Variants in ZNF827 observed in about 807,000 individuals in gnomAD.
The protein encoded by ZNF827 is zinc finger protein 827.
In ZNF827, 13 loss-of-function variants were observed where a neutral mutation model predicts 102.4. That is an observed-to-expected ratio of 0.13 (90% CI 0.08 to 0.20). The LOEUF (loss-of-function observed/expected upper bound fraction) is 0.20. Among genes scored for constraint, ZNF827 ranks in the 10% least tolerant of loss-of-function variants. The pLI, the probability that ZNF827 is intolerant of heterozygous loss-of-function variation, is 1.00. For missense variants in ZNF827, 1,103 were observed against 1,344.4 expected (o/e 0.82, Z 2.81); for synonymous variants, 523 against 536.2 (o/e 0.98, Z 0.34).
intron 5 of ZNF827, among the ~76,000 whole-genome samples, chr4:145,865,306 T>A (rs1244880437): frequency 1.3e-5 from 2 of 152,230 alleles, no homozygotes; most frequent in African/African-American, 4.8e-5. Flanking sequence ...AGAGAGATGG[T>A]TCTTTTTAAA....
chr4:145,867,438 C>T (rs939274279), intron 5 of ZNF827, among the ~76,000 whole-genome samples: 1 of 152,140 alleles, frequency 6.6e-6, no homozygotes, highest in African/African-American at 2.4e-5. Context: ...AAGTCTCCAT[C>T]CTTAAGGAGT....
At chr4:145,880,466 A>C (rs537722494) in intron 4 of ZNF827, among the ~76,000 whole-genome samples, 27 of 152,232 alleles carry the variant, frequency 1.8e-4, no homozygotes, top group Non-Finnish European at 3.1e-4. Context: ...TGTGTGTGTA[A>C]GCAATCCAGG....
At position 145,920,460 on chromosome 4, in the gene ZNF827, G is replaced by A. The variant is rs1436373934; in HGVS notation, c.44-17245C>T. ...GACGGTGGTATCCCCTGCAGCATAC[G>A]CCACGGCCTCTGCTCTTCTGGGCAA... On this transcript the variant is annotated intron_variant, in intron 1 of 14. Coordinates refer to ENST00000508784, the MANE Select transcript of ZNF827 (RefSeq NM_001306215.2). 2.6e-5 allele frequency among the ~76,000 whole-genome samples: 4 copies of A among 152,130 alleles called. No individual in the cohort carries two copies. In the East Asian group the frequency reaches 7.7e-4, roughly 29 times the overall value.
chr4:145,911,668 A>G (rs1433609353), intron 1 of ZNF827, among the ~76,000 whole-genome samples: 2 of 152,200 alleles, frequency 1.3e-5, no homozygotes, highest in African/African-American at 4.8e-5. Context: ...CTATATGACT[A>G]GTCTCTAGTT....
intron 7 of ZNF827, among the ~76,000 whole-genome samples, chr4:145,843,249 A>G (rs1745600179): frequency 3.3e-5 from 5 of 150,276 alleles, no homozygotes; most frequent in Admixed American, 3.3e-4. Flanking sequence ...CACACCGAGG[A>G]CTTTGTAGAA....
At chr4:145,806,707 T>C (rs1266847841) in intron 8 of ZNF827, among the ~76,000 whole-genome samples, 1 of 151,914 alleles carries the variant, frequency 6.6e-6, no homozygotes, top group Non-Finnish European at 1.5e-5. Context: ...TAAACAGATA[T>C]AACAGAAATT....
At chr4:145,766,233 G>A (rs940726304) in intron 11 of ZNF827, among the ~76,000 whole-genome samples, 7 of 151,948 alleles carry the variant, frequency 4.6e-5, no homozygotes, top group South Asian at 2.1e-4. Context: ...ATCAGTACTC[G>A]GGACCCTCTC....
chr4:145,823,426 A>C lies in ZNF827; in HGVS notation c.2379T>G (p.Ala793=), dbSNP rs1365121582. Residue 793 remains alanine (A), a synonymous_variant, in exon 8 of 15, where the codon GCT becomes GCG. Coordinates refer to ENST00000508784, the MANE Select transcript of ZNF827 (RefSeq NM_001306215.2). ...SDSVLHGRIS[A]PETEKIVLEA... ...AAGCCAACAATGTTTCCATACCTGG[A>C]GCTGATATTCTTCCGTGCAGCACGG... is the stretch of plus-strand genomic sequence containing the variant. The C allele has an allele frequency of 1.9e-6, 3 of 1,607,492 alleles. No individual in the cohort carries two copies. In the South Asian group the frequency reaches 3.3e-5, roughly 18 times the overall value.
rs79414728 is a variant in ZNF827 at position 145,758,820 on chromosome 4, G to A, written c.*2796C>T. ...ACAGGTTTGCCAGGGCACCAAGTAG[G>A]CTCCCCATCCATGGCGGGATGACTG... On this transcript the variant is annotated 3_prime_UTR_variant, in exon 15 of 15. Coordinates refer to ENST00000508784, the MANE Select transcript of ZNF827 (RefSeq NM_001306215.2). 12,100 of 152,224 alleles carry A rather than the reference G, an allele frequency of 0.079. 545 individuals are homozygous for A. The highest frequency in any genetic ancestry group is 0.12 in the Middle Eastern group (35 of 294). 9.4% of individuals were successfully genotyped at this position (152,224 alleles called of 1,614,324 possible).
At chr4:145,911,698 T>C (rs1186373660) in intron 1 of ZNF827, among the ~76,000 whole-genome samples, 4 of 152,192 alleles carry the variant, frequency 2.6e-5, no homozygotes, top group African/African-American at 7.2e-5. Context: ...GAGAGGGCCA[T>C]AGATTTGCCC....
chr4:145,771,428 A>G (rs936643464), intron 11 of ZNF827, among the ~76,000 whole-genome samples: 2 of 152,178 alleles, frequency 1.3e-5, no homozygotes, highest in Non-Finnish European at 2.9e-5. Context: ...TTTGGTGTCA[A>G]TGTGAGGTGA....
At chr4:145,855,054 T>G (rs1286083801) in intron 5 of ZNF827, among the ~76,000 whole-genome samples, 1 of 152,194 alleles carries the variant, frequency 6.6e-6, no homozygotes, top group Non-Finnish European at 1.5e-5. Flanking sequence ...CACGGTGGTG[T>G]GTAATGTTAT....
At chr4:145,870,562 T>G in intron 4 of ZNF827, 84 bp from the exon 5 acceptor site, 1 of 1,221,614 alleles carries the variant, frequency 8.2e-7, no homozygotes, top group Non-Finnish European at 1.2e-6. Context: ...AAGTATGGAA[T>G]GCACAATCAC....
intron 5 of ZNF827, among the ~76,000 whole-genome samples, chr4:145,861,580 T>A (rs1021145590): frequency 6.6e-6 from 1 of 152,202 alleles, no homozygotes; most frequent in Non-Finnish European, 1.5e-5. Context: ...TAGTCATTTA[T>A]ACCAGAAACA....
chr4:145,914,897 G>C (rs929434758), intron 1 of ZNF827, among the ~76,000 whole-genome samples: 9 of 152,242 alleles, frequency 5.9e-5, no homozygotes, highest in Non-Finnish European at 8.8e-5. Flanking sequence ...TTTGTCACCA[G>C]CAGGGATGCT....
At chr4:145,862,468 A>C (rs1300435909) in intron 5 of ZNF827, among the ~76,000 whole-genome samples, 1 of 152,182 alleles carries the variant, frequency 6.6e-6, no homozygotes, top group Non-Finnish European at 1.5e-5. Flanking sequence ...TGAGTTTTCA[A>C]GGGCTAAAAA....
intron 3 of ZNF827, among the ~76,000 whole-genome samples, chr4:145,886,753 G>C (rs1375344229): frequency 2.0e-5 from 3 of 151,822 alleles, no homozygotes; most frequent in Middle Eastern, 3.4e-3. Flanking sequence ...CAAAGTAGGA[G>C]AAAAACCAAG....
At chr4:145,860,451 T>C (rs949275585) in intron 5 of ZNF827, among the ~76,000 whole-genome samples, 1 of 152,180 alleles carries the variant, frequency 6.6e-6, no homozygotes, top group African/African-American at 2.4e-5. Context: ...AGGATGGTAG[T>C]AGTAGGAAGT....
chr4:145,809,570 G>A (rs1373790506), intron 8 of ZNF827, among the ~76,000 whole-genome samples: 2 of 152,164 alleles, frequency 1.3e-5, no homozygotes, highest in African/African-American at 2.4e-5. Flanking sequence ...ATCCCTTACT[G>A]CTCAGGAGTC....
Sources: allele counts gnomAD v4.1 joint callset (sites outside exome capture counted in the v4.1 genomes callset), GRCh38; gene constraint gnomAD v4.1.1; transcripts MANE v1.5; gene names NCBI Gene and HGNC (gene_info 2026-07-23, HGNC 2026-07-21).